Variants in TMEM40 observed in about 807,000 individuals in gnomAD.
The protein encoded by TMEM40 is transmembrane protein 40.
In TMEM40, 34 loss-of-function variants were observed where a neutral mutation model predicts 40.8. The ratio of observed to expected loss-of-function variants is 0.83; its 90% CI spans 0.63 to 1.11. TMEM40 has a LOEUF of 1.11. TMEM40 is among the 50% of genes least tolerant of loss of function. The probability of loss-of-function intolerance (pLI) is 0.00; values close to 1 mark genes in which losing one functional copy is unlikely to be tolerated. For missense variants in TMEM40, 296 were observed against 280.2 expected, an observed-to-expected ratio of 1.06 and a Z score of -0.40; for synonymous variants, 106 against 107.0, an observed-to-expected ratio of 0.99 and a Z score of 0.06.
chr3:12,758,769 A>G (rs2106622843), intron 1 of TMEM40, among the ~76,000 whole-genome samples: 1 of 152,200 alleles, frequency 6.6e-6, no homozygotes, highest in East Asian at 1.9e-4. Flanking sequence ...AGGCTGAGAC[A>G]TTTGCGGGAA....
At chr3:12,757,498 A>G (rs1575745946) in intron 1 of TMEM40, among the ~76,000 whole-genome samples, 1 of 151,648 alleles carries the variant, frequency 6.6e-6, no homozygotes, top group Non-Finnish European at 1.5e-5. Flanking sequence ...GATGCTCCAC[A>G]TCATTAGTCA....
chr3:12,765,114 C>G (rs1575749197), intron 1 of TMEM40, among the ~76,000 whole-genome samples: 1 of 152,092 alleles, frequency 6.6e-6, no homozygotes, highest in African/African-American at 2.4e-5. Flanking sequence ...CCCTTGGCCT[C>G]CTAAAGTGCT....
Position 12,749,840 on chromosome 3 carries a change from C to T in TMEM40, c.-8G>A, listed in dbSNP as rs554298828. On this transcript the variant is annotated splice_region_variant and 5_prime_UTR_variant, in exon 2 of 12. Transcript: ENST00000314124. Reference sequence around the variant, plus strand: ...GGATGCTGAAGTCTCCATGGCTTTTCCTGGAGGAATAACAATAATCAGTAG... The same window carrying T: ...GGATGCTGAAGTCTCCATGGCTTTTTCTGGAGGAATAACAATAATCAGTAG... 8 of 1,613,384 alleles carry T rather than the reference C, an allele frequency of 5.0e-6. No homozygotes were observed. Among genetic ancestry groups the T allele is most frequent in the African/African-American group, 1.3e-5 (1 of 74,956 alleles).
chr3:12,742,545 A>G, intron 4 of TMEM40, 38 bp from the exon 5 acceptor site: 1 of 1,609,098 alleles, frequency 6.2e-7, no homozygotes, highest in African/African-American at 1.3e-5. Flanking sequence ...CACTCCCCAA[A>G]CACAGTGATC....
chr3:12,763,117 G>T (rs1419307128), upstream of TMEM40, among the ~76,000 whole-genome samples: 1 of 136,138 alleles, frequency 7.3e-6, no homozygotes, highest in African/African-American at 2.8e-5. Flanking sequence ...CCGAGATCGC[G>T]CCACTGCACT....
chr3:12,734,599 G>T lies in TMEM40; in HGVS notation c.*175C>A. ...CACAGCAGTACTGCCCAAATGAGAT[G>T]CCCCTGCCCGGGCTGGTGCCAACAT... On this transcript the variant is annotated 3_prime_UTR_variant, in exon 12 of 12. Transcript: ENST00000314124. 1.4e-6 allele frequency: 1 copy of T among 715,346 alleles called. No homozygotes were observed. Among genetic ancestry groups the T allele is most frequent in the Non-Finnish European group, 2.3e-6 (1 of 429,932 alleles). The allele number at this position is 715,346 out of a possible 1,614,324, so 44.3% of individuals were successfully genotyped here. A position where few individuals can be genotyped will look rare whatever the true frequency, so the allele number is the denominator to read the frequency against.
chr3:12,738,809 G>C, intron 5 of TMEM40: 1 of 525,300 alleles, frequency 1.9e-6, no homozygotes, highest in Non-Finnish European at 3.4e-6. Context: ...CACTCTTACA[G>C]GTCTGTCAAT....
intron 4 of TMEM40, 21 bp downstream of exon 4, chr3:12,743,879 A>G (rs781084209): frequency 6.2e-7 from 1 of 1,608,288 alleles, no homozygotes. Context: ...CAAAAGAAAA[A>G]TGGTAAGGCC....
intron 1 of TMEM40, among the ~76,000 whole-genome samples, chr3:12,752,900 C>A (rs781528112): frequency 6.6e-6 from 1 of 152,158 alleles, no homozygotes; most frequent in Non-Finnish European, 1.5e-5. Context: ...TGCTGGGAGA[C>A]TAAAGGAGTG....
At chr3:12,755,213 T>TTCTTTCTCTCTCTC (rs1553634015) in intron 1 of TMEM40, among the ~76,000 whole-genome samples, 5 of 94,264 alleles carry the variant, frequency 5.3e-5, no homozygotes, top group African/African-American at 2.2e-4. Context: ...CTTTCTTTCT[T>TTCTTTCTCTCTCTC]TCTCTCTCTC....
At chr3:12,757,636 G>T (rs996439079) in intron 1 of TMEM40, among the ~76,000 whole-genome samples, 1 of 152,132 alleles carries the variant, frequency 6.6e-6, no homozygotes, top group Non-Finnish European at 1.5e-5. Context: ...CTCATACATT[G>T]CTGGTCAGAT....
At chr3:12,749,682 GTCT>G in intron 2 of TMEM40, 75 bp downstream of exon 2, 6 of 1,333,664 alleles carry the variant, frequency 4.5e-6, no homozygotes, top group Non-Finnish European at 5.3e-6. Context: ...GTTGAGCAGG[GTCT>G]TCTTCTGTCC....
At chr3:12,751,336 C>T (rs1033487413) in intron 1 of TMEM40, among the ~76,000 whole-genome samples, 11 of 150,318 alleles carry the variant, frequency 7.3e-5, no homozygotes, top group South Asian at 2.1e-4. Context: ...GGCTGGAGTG[C>T]AGTGGCATGA....
intron 3 of TMEM40, among the ~76,000 whole-genome samples, chr3:12,744,315 G>T (rs1425980911): frequency 2.0e-5 from 3 of 152,212 alleles, no homozygotes; most frequent in South Asian, 4.1e-4. Flanking sequence ...CAAGTGCAGG[G>T]GCTGTGTCAT....
rs1207397049 is a variant in TMEM40 at position 12,734,694 on chromosome 3, G to T, written c.*80C>A. 6.7e-6 allele frequency: 10 copies of T among 1,494,844 alleles called. No homozygotes were observed. Among genetic ancestry groups the T allele is most frequent in the Non-Finnish European group, 6.4e-6 (7 of 1,100,908 alleles). 92.6% of individuals were successfully genotyped at this position (1,494,844 alleles called of 1,614,324 possible). ...TGGTCTCCTGTGCGTCTCTCAGAAT[G>T]CTGCTCTGCCCTTGTGGGCTCAGGG... On this transcript the variant is annotated 3_prime_UTR_variant, in exon 12 of 12. Coordinates refer to ENST00000314124, the MANE Select transcript of TMEM40 (RefSeq NM_018306.4).
At chr3:12,754,204 C>T (rs369751790) in intron 1 of TMEM40, among the ~76,000 whole-genome samples, 1 of 151,998 alleles carries the variant, frequency 6.6e-6, no homozygotes, top group Non-Finnish European at 1.5e-5. Flanking sequence ...CCCAGCTACT[C>T]GGGAGGCTGA....
At chr3:12,736,396 C>A (rs982258805) in intron 10 of TMEM40, among the ~76,000 whole-genome samples, 182 bp downstream of exon 10, 2 of 152,198 alleles carry the variant, frequency 1.3e-5, no homozygotes, top group East Asian at 1.9e-4. Context: ...GTGATCCACA[C>A]ACCTCAGCCT....
intron 1 of TMEM40, among the ~76,000 whole-genome samples, chr3:12,753,694 G>T (rs944265071): frequency 5.9e-5 from 9 of 152,098 alleles, no homozygotes; most frequent in African/African-American, 2.2e-4. Flanking sequence ...AACTCAGGTG[G>T]CCCCCACATC....
intron 10 of TMEM40, among the ~76,000 whole-genome samples, chr3:12,735,946 C>T (rs902878779): frequency 2.6e-5 from 4 of 151,280 alleles, no homozygotes; most frequent in East Asian, 1.9e-4. Flanking sequence ...CCAGGCTGAA[C>T]GAATTCCTGG....
Sources: gnomAD v4.1 joint callset for allele counts (sites outside exome capture counted in the v4.1 genomes callset) on GRCh38, gnomAD v4.1.1 for gene constraint, MANE v1.5 for transcripts, NCBI Gene and HGNC (gene_info 2026-07-23, HGNC 2026-07-21) for gene names.